The following BDP1 variants were observed in gnomAD, a reference collection of about 807,000 sequenced individuals.
BDP1 encodes the protein transcription factor TFIIIB component B'' homolog.
A neutral mutation model predicts 266.6 loss-of-function variants in BDP1; 169 were observed. That is an observed-to-expected ratio of 0.63 (90% confidence interval 0.56 to 0.72). The LOEUF is 0.72. BDP1 is among the 30% of genes least tolerant of loss of function. The pLI is 0.00. For missense variants in BDP1, 3,015 were observed against 3,053.8 expected (o/e 0.99, Z 0.30); for synonymous variants, 1,090 against 1,022.4 (o/e 1.07, Z -1.26).
chr5:71,465,887 A>T (rs566354953), intron 4 of BDP1, among the ~76,000 whole-genome samples: 1 of 152,186 alleles, frequency 6.6e-6, no homozygotes, highest in African/African-American at 2.4e-5. Context: ...TCTAAAAAAA[A>T]AAATAAGACT....
At position 71,510,177 on chromosome 5, in the gene BDP1, A is replaced by G. The variant is rs749812637; in HGVS notation, c.3085A>G (p.Ile1029Val). 76 of 1,613,888 alleles carry G rather than the reference A, an allele frequency of 4.7e-5. No individual in the cohort carries two copies. The highest frequency in any genetic ancestry group is 6.3e-5 in the Non-Finnish European group (74 of 1,179,966). The change falls in exon 17 of 39, where the codon ATT becomes GTT. Residue 1029 changes from isoleucine (I) to valine (V), a missense_variant. This residue lies in a region of BDP1 where 2,383 missense variants were observed against 2,404.9 expected (regional missense o/e 0.99). Transcript: ENST00000358731. The part of the protein sequence containing the change: ...SSPREKTPEV[I>V]DATEEIDLEE... ...TCCAAGGGAGAAGACACCAGAGGTGATTGATGCTACTGAGGAAATAGATTT... is the reference window on the plus strand; with the variant it reads ...TCCAAGGGAGAAGACACCAGAGGTGGTTGATGCTACTGAGGAAATAGATTT...
At chr5:71,542,569 T>C (rs1367810861) in intron 30 of BDP1, among the ~76,000 whole-genome samples, 1 of 152,102 alleles carries the variant, frequency 6.6e-6, no homozygotes, top group Non-Finnish European at 1.5e-5. Flanking sequence ...ACCTCCCCAT[T>C]CAGTCAGAAA....
intron 7 of BDP1, among the ~76,000 whole-genome samples, chr5:71,477,184 C>T (rs2150380147): frequency 6.6e-6 from 1 of 151,476 alleles, no homozygotes; most frequent in African/African-American, 2.4e-5. Flanking sequence ...TCTTTCGAGA[C>T]AGGGTCTTTG....
intron 26 of BDP1, among the ~76,000 whole-genome samples, chr5:71,538,223 T>C (rs1339737896): frequency 1.3e-5 from 2 of 152,230 alleles, no homozygotes; most frequent in Admixed American, 1.3e-4. Flanking sequence ...TAGTATTTTA[T>C]TGGTGATTTT....
chr5:71,560,082 A>G lies in BDP1; in HGVS notation c.7341A>G (p.Arg2447=), dbSNP rs185411334. ...RQQVEAAFQS[R]GSRSPDACMD... ...AAGTTGAAGCAGCTTTTCAGAGTAG[A>G]GGATCTAGATCTCCTGATGCATGCA... The change falls in exon 37 of 39, where the codon AGA becomes AGG. Residue 2447 remains arginine, a synonymous_variant. Coordinates refer to ENST00000358731, the MANE Select transcript of BDP1 (RefSeq NM_018429.3). 3.7e-6 allele frequency: 6 copies of G among 1,614,126 alleles called. No homozygotes were observed. Among genetic ancestry groups the G allele is most frequent in the Non-Finnish European group, 4.2e-6 (5 of 1,180,014 alleles).
At chr5:71,482,607 T>G (rs1268177376) in intron 7 of BDP1, among the ~76,000 whole-genome samples, 1 of 152,204 alleles carries the variant, frequency 6.6e-6, no homozygotes, top group Non-Finnish European at 1.5e-5. Flanking sequence ...AATATATTTC[T>G]TTGAGAAAGT....
chr5:71,562,549 T>G (rs1366452749), intron 38 of BDP1, 29 bp downstream of exon 38: 1 of 1,596,888 alleles, frequency 6.3e-7, no homozygotes, highest in Non-Finnish European at 8.5e-7. Context: ...ATTTTATAGT[T>G]TGTATGAGAT....
At chr5:71,502,888 T>G in intron 15 of BDP1, 97 bp downstream of exon 15, 1 of 844,880 alleles carries the variant, frequency 1.2e-6, no homozygotes. Flanking sequence ...CATACATACA[T>G]ACATTTATTT....
rs1013620607 is a variant in BDP1 at position 71,510,673 on chromosome 5, A to C, written c.3581A>C (p.Glu1194Ala). The C allele has an allele frequency of 1.2e-6, 2 of 1,613,174 alleles. No homozygotes were observed. The highest frequency in any genetic ancestry group is 1.7e-6 in the Non-Finnish European group (2 of 1,179,648). ...EKTREVIDAAEVIETDLEETE... is the reference protein window; with the variant it reads ...EKTREVIDAAAVIETDLEETE... ...ACACGAGAGGTGATTGATGCTGCTGAGGTAATAGAGACAGATTTGGAAGAA... is the reference window on the plus strand; with the variant it reads ...ACACGAGAGGTGATTGATGCTGCTGCGGTAATAGAGACAGATTTGGAAGAA... Residue 1194 changes from glutamate to alanine, a missense_variant, in exon 17 of 39, where the codon GAG becomes GCG. Glu to Ala is a moderately radical substitution (Grantham distance 107). Coordinates refer to ENST00000358731, the MANE Select transcript of BDP1 (RefSeq NM_018429.3).
At chr5:71,525,337 G>T (rs1415314444) in intron 25 of BDP1, among the ~76,000 whole-genome samples, 2 of 148,446 alleles carry the variant, frequency 1.3e-5, no homozygotes, top group Non-Finnish European at 3.0e-5. Context: ...CAGTAGGGGC[G>T]GCCGGGCAGA....
intron 4 of BDP1, among the ~76,000 whole-genome samples, chr5:71,465,174 T>A (rs192183048): frequency 2.0e-5 from 3 of 152,114 alleles, no homozygotes; most frequent in Non-Finnish European, 4.4e-5. Context: ...TTTGGCCATT[T>A]TCCTTAAGGC....
chr5:71,528,098 G>A (rs1356707701), intron 25 of BDP1, among the ~76,000 whole-genome samples: 3 of 152,114 alleles, frequency 2.0e-5, no homozygotes, highest in African/African-American at 4.8e-5. Context: ...TGGGATTACA[G>A]GTGTGAGCCA....
rs770790103 is a variant in BDP1, at chr5:71,562,480, T to C, written c.7703T>C (p.Ile2568Thr). ...SSDLLPSPSV[I>T]TTQSENISSS... ...GATCTGCTTCCATCTCCAAGTGTTA[T>C]TACTACTCAATCTGAGAATATTAGC... The change falls in exon 38 of 39, where the codon ATT becomes ACT. Residue 2568 changes from isoleucine to threonine, a missense_variant. Physicochemically the swap from Ile to Thr is moderately conservative, Grantham distance 89 (BLOSUM62 -1). Coordinates refer to ENST00000358731, the MANE Select transcript of BDP1 (RefSeq NM_018429.3). 3.1e-6 allele frequency: 5 copies of C among 1,613,902 alleles called. No homozygotes were observed. In the Admixed American group the frequency reaches 5.0e-5, roughly 16 times the overall value.
intron 34 of BDP1, among the ~76,000 whole-genome samples, chr5:71,552,349 G>C (rs1220028252): frequency 6.6e-6 from 1 of 152,000 alleles, no homozygotes; most frequent in African/African-American, 2.4e-5. Context: ...GATGGCCGCC[G>C]GGCAGAGACG....
intron 37 of BDP1, among the ~76,000 whole-genome samples, chr5:71,560,944 T>C (rs1743602250): frequency 6.6e-6 from 1 of 152,208 alleles, no homozygotes; most frequent in South Asian, 2.1e-4. Context: ...GCCTTAGATA[T>C]GTGCTGAAAA....
chr5:71,464,731 T>TTTC (rs1196397670), intron 4 of BDP1, among the ~76,000 whole-genome samples: 3 of 141,040 alleles, frequency 2.1e-5, no homozygotes, highest in Non-Finnish European at 3.1e-5. Context: ...TTTTTTTTTT[T>TTTC]TTTTTTGAGA....
rs201224569 is a variant in BDP1, at chr5:71,497,409, A to G, written c.1939A>G (p.Lys647Glu). The change falls in exon 13 of 39, where the codon AAA (lysine) becomes GAA (glutamate). Residue 647 changes from lysine to glutamate, a missense_variant. Lys to Glu is a moderately conservative substitution (Grantham distance 56). Coordinates refer to ENST00000358731, the MANE Select transcript of BDP1 (RefSeq NM_018429.3). ...GTCAGAGAGCAAGAATTCACATTCA[A>G]AAACTTCAGTTGAAAAGGTATGGGG... ...TESESKNSHS[K>E]TSVEKNHVEK... The G allele has an allele frequency of 5.0e-5, 80 of 1,613,048 alleles. No homozygotes were observed. Among genetic ancestry groups the G allele is most frequent in the Admixed American group, 3.3e-4 (20 of 59,962 alleles).
chr5:71,493,851 A>G (rs1307445859), intron 11 of BDP1, among the ~76,000 whole-genome samples: 1 of 152,240 alleles, frequency 6.6e-6, no homozygotes, highest in African/African-American at 2.4e-5. Context: ...GGGCAAAGAT[A>G]GAACTAACTT....
chr5:71,556,237 A>G (rs945265775), intron 35 of BDP1, among the ~76,000 whole-genome samples: 1 of 152,158 alleles, frequency 6.6e-6, no homozygotes, highest in Non-Finnish European at 1.5e-5. Context: ...CCATCTGCAA[A>G]TATAATTTTA....
Sources: allele counts gnomAD v4.1 joint callset (sites outside exome capture counted in the v4.1 genomes callset), GRCh38; gene constraint gnomAD v4.1.1; regional missense constraint gnomAD v4.1.1; transcripts MANE v1.5; gene names NCBI Gene and HGNC (gene_info 2026-07-23, HGNC 2026-07-21).